PLXNA4: variants seen among roughly 807,000 people sequenced by gnomAD.
PLXNA4 encodes plexin-A4.
Under a neutral mutation model 191.8 loss-of-function variants are expected in PLXNA4, and 44 were observed. That is an observed-to-expected ratio of 0.23 (90% CI 0.18 to 0.29). The LOEUF is 0.29. PLXNA4 is among the 10% of genes least tolerant of loss of function. The probability of loss-of-function intolerance (pLI) is 1.00; values close to 1 mark genes in which losing one functional copy is unlikely to be tolerated. For synonymous variants in PLXNA4, 1,082 were observed against 1,009.5 expected (o/e 1.07, Z -1.36); for missense variants, 1,800 against 2,488.8 (o/e 0.72, Z 5.89).
At chr7:132,360,907 A>G (rs142194167) in intron 3 of PLXNA4, among the ~76,000 whole-genome samples, 1 of 152,306 alleles carries the variant, frequency 6.6e-6, no homozygotes, top group African/African-American at 2.4e-5. Flanking sequence ...TGCACATTTT[A>G]TCCCTGGTGG....
chr7:132,340,376 C>A (rs140616015), intron 3 of PLXNA4, among the ~76,000 whole-genome samples: 205 of 152,322 alleles, frequency 1.3e-3, no homozygotes, highest in African/African-American at 4.6e-3. Flanking sequence ...GCTAGGCAAC[C>A]AAGCCTGGTC....
intron 3 of PLXNA4, among the ~76,000 whole-genome samples, chr7:132,380,666 G>T (rs1416809440): frequency 1.3e-5 from 2 of 152,100 alleles, no homozygotes; most frequent in Non-Finnish European, 2.9e-5. Context: ...TCAGGAGCAG[G>T]GCCTCACGGG....
intron 3 of PLXNA4, among the ~76,000 whole-genome samples, chr7:132,308,782 T>A (rs551142008): frequency 2.6e-4 from 40 of 151,910 alleles, no homozygotes; most frequent in African/African-American, 9.7e-4. Context: ...AGTGAGGGGG[T>A]TTTGATAAAT....
intron 21 of PLXNA4, among the ~76,000 whole-genome samples, chr7:132,169,924 G>C (rs1384838945): frequency 6.6e-6 from 1 of 152,258 alleles, no homozygotes. Context: ...ACTGCAGGGT[G>C]TGTCTCCTGA....
chr7:132,211,226 C>G, intron 9 of PLXNA4, 83 bp from the exon 10 acceptor site: 1 of 1,403,120 alleles, frequency 7.1e-7, no homozygotes, highest in Non-Finnish European at 9.7e-7. Flanking sequence ...CCGGATGTTC[C>G]CTGTCTCCAC....
At chr7:132,300,978 T>C (rs1358403100) in intron 3 of PLXNA4, among the ~76,000 whole-genome samples, 1 of 152,180 alleles carries the variant, frequency 6.6e-6, no homozygotes, top group Non-Finnish European at 1.5e-5. Flanking sequence ...TGGGTGTGGC[T>C]GGACATCAAA....
chr7:132,596,479 A>G (rs114778950), intron 2 of PLXNA4, among the ~76,000 whole-genome samples: 1,852 of 152,316 alleles, frequency 0.012, 25 homozygotes, highest in Middle Eastern at 0.041. Context: ...CTGCCTTTGA[A>G]ACTATAGTGA....
chr7:132,387,039 T>A (rs928542358), intron 3 of PLXNA4, among the ~76,000 whole-genome samples: 1 of 152,236 alleles, frequency 6.6e-6, no homozygotes, highest in Non-Finnish European at 1.5e-5. Flanking sequence ...GTTGCATCAA[T>A]ATCAAGTTGC....
chr7:132,161,649 A>G (rs1435423690), intron 24 of PLXNA4, among the ~76,000 whole-genome samples: 39 of 151,926 alleles, frequency 2.6e-4, no homozygotes, highest in African/African-American at 9.2e-4. Flanking sequence ...GCAGGCTTCC[A>G]GGTGCGCATC....
chr7:132,579,079 G>A (rs376807126), upstream of PLXNA4, among the ~76,000 whole-genome samples: 2 of 152,166 alleles, frequency 1.3e-5, no homozygotes, highest in East Asian at 3.9e-4. Context: ...AGGAGGCCCT[G>A]TCACCCCAAG....
At chr7:132,316,598 C>T (rs79640561) in intron 3 of PLXNA4, among the ~76,000 whole-genome samples, 1,564 of 152,290 alleles carry the variant, frequency 0.01, 42 homozygotes, top group African/African-American at 0.036. Flanking sequence ...AGTGTGTCCT[C>T]CCAGCAGTAT....
chr7:132,207,024 G>A (rs1469194847), intron 10 of PLXNA4, among the ~76,000 whole-genome samples: 2 of 152,166 alleles, frequency 1.3e-5, no homozygotes, highest in Admixed American at 6.5e-5. Context: ...AAGCAAAAAT[G>A]AGACCTCGAT....
intron 4 of PLXNA4, among the ~76,000 whole-genome samples, chr7:132,250,767 T>C (rs1421865269): frequency 6.6e-6 from 1 of 152,218 alleles, no homozygotes; most frequent in Non-Finnish European, 1.5e-5. Flanking sequence ...GGAAACATTC[T>C]AGCTGCCAAT....
In PLXNA4 at chr7:132,452,918, T is replaced by C. The variant is rs895516352; in HGVS notation, c.1371+36374A>G. Among the ~76,000 whole-genome samples the C allele has an allele frequency of 2.6e-5, 4 of 152,216 alleles. No homozygotes were observed. The South Asian group carries it at 8.3e-4, about 32-fold the overall frequency. The stretch of plus-strand genomic sequence containing the variant: ...GAATTGGAACCAGGGAATGGATATG[T>C]GTTGGGGTAGAGGCGGGAACCTGGG... On this transcript the variant is annotated intron_variant, in intron 3 of 31. Transcript: ENST00000321063.
At chr7:132,504,077 T>G (rs1478370154) in intron 2 of PLXNA4, among the ~76,000 whole-genome samples, 1 of 152,184 alleles carries the variant, frequency 6.6e-6, no homozygotes, top group African/African-American at 2.4e-5. Context: ...AGCAACACAT[T>G]CCCATGAGGA....
intron 4 of PLXNA4, among the ~76,000 whole-genome samples, chr7:132,272,833 A>G (rs957925330): frequency 6.6e-6 from 1 of 152,118 alleles, no homozygotes; most frequent in African/African-American, 2.4e-5. Context: ...CATCCTTGAA[A>G]CCCAGCTCAT....
At chr7:132,216,784 C>A (rs1371791413) in intron 9 of PLXNA4, among the ~76,000 whole-genome samples, 1 of 152,198 alleles carries the variant, frequency 6.6e-6, no homozygotes, top group African/African-American at 2.4e-5. Flanking sequence ...TATTTTCACC[C>A]AATCACCGTA....
chr7:132,206,002 C>T (rs766885056), intron 10 of PLXNA4, among the ~76,000 whole-genome samples: 2 of 152,106 alleles, frequency 1.3e-5, no homozygotes, highest in South Asian at 2.1e-4. Context: ...CTTGAGGAGA[C>T]GTTAGCACAC....
At chr7:132,468,696 G>A (rs965977955) in intron 3 of PLXNA4, among the ~76,000 whole-genome samples, 1 of 150,288 alleles carries the variant, frequency 6.7e-6, no homozygotes, top group African/African-American at 2.5e-5. Flanking sequence ...ACTTTTCCAG[G>A]AACACCTCCC....
Sources: allele counts gnomAD v4.1 joint callset (sites outside exome capture counted in the v4.1 genomes callset), GRCh38; gene constraint gnomAD v4.1.1; transcripts MANE v1.5; gene names NCBI Gene and HGNC (gene_info 2026-07-23, HGNC 2026-07-21).